Variants in ZNF124 observed in about 807,000 individuals in gnomAD.
ZNF124 encodes the protein zinc finger protein HZF-16.
A neutral mutation model predicts 26.6 loss-of-function variants in ZNF124; 25 were observed. That is an observed-to-expected ratio of 0.94 (90% CI 0.68 to 1.31). ZNF124 has a LOEUF of 1.31. Among genes scored for constraint, ZNF124 ranks in the 40% most tolerant of loss-of-function variants. The pLI is 0.00. For missense variants in ZNF124, 444 were observed against 422.2 expected, an observed-to-expected ratio of 1.05 and a Z score of -0.45; for synonymous variants, 129 against 133.3, an observed-to-expected ratio of 0.97 and a Z score of 0.22.
chr1:247,158,832 T>C (rs1221107051), intron 3 of ZNF124, among the ~76,000 whole-genome samples, 174 bp downstream of exon 3: 1 of 152,162 alleles, frequency 6.6e-6, no homozygotes, highest in Non-Finnish European at 1.5e-5. Context: ...TTTTGCCGTG[T>C]TGGTCAGGCT....
intron 1 of ZNF124, among the ~76,000 whole-genome samples, chr1:247,160,286 C>T (rs1484294622): frequency 6.6e-6 from 1 of 152,144 alleles, no homozygotes. Flanking sequence ...GCTCAGCCAG[C>T]AGTTCTTATG....
intron 3 of ZNF124, among the ~76,000 whole-genome samples, chr1:247,131,232 C>T (rs1396123491): frequency 6.6e-6 from 1 of 152,192 alleles, no homozygotes; most frequent in African/African-American, 2.4e-5. Context: ...GGAGCCTCCT[C>T]CTCCAGCCCA....
At chr1:247,163,091 G>T (rs1673578180) in intron 1 of ZNF124, among the ~76,000 whole-genome samples, 1 of 151,984 alleles carries the variant, frequency 6.6e-6, no homozygotes, top group Non-Finnish European at 1.5e-5. Context: ...TAGAAACCAA[G>T]AAATTATTTG....
chr1:247,124,627 A>T (rs894232861), intron 3 of ZNF124, among the ~76,000 whole-genome samples: 1 of 152,182 alleles, frequency 6.6e-6, no homozygotes, highest in African/African-American at 2.4e-5. Flanking sequence ...CAGCCTATGC[A>T]ACTTTCTGTC....
intron 3 of ZNF124, among the ~76,000 whole-genome samples, chr1:247,148,205 C>G (rs894441899): frequency 6.6e-6 from 1 of 152,192 alleles, no homozygotes; most frequent in African/African-American, 2.4e-5. Context: ...ACACAACAAC[C>G]TCGCTAACAG....
chr1:247,127,447 C>CT (rs60800452), intron 3 of ZNF124, among the ~76,000 whole-genome samples: 28,292 of 68,454 alleles, frequency 0.41, 6,600 homozygotes, highest in African/African-American at 0.64. Flanking sequence ...ACCATCATCA[C>CT]TTAAGGGAGG....
At chr1:247,161,521 G>T (rs1351543283) in intron 1 of ZNF124, among the ~76,000 whole-genome samples, 1 of 151,802 alleles carries the variant, frequency 6.6e-6, no homozygotes, top group Non-Finnish European at 1.5e-5. Context: ...GCAAACAATA[G>T]AGACTGACAA....
At chr1:247,157,434 T>A (rs1440795029) in intron 3 of ZNF124, 31 bp from the exon 4 acceptor site, 1 of 1,544,114 alleles carries the variant, frequency 6.5e-7, no homozygotes, top group South Asian at 1.2e-5. Flanking sequence ...TATGAAGAAT[T>A]TTTCACACAC....
At position 247,140,357 on chromosome 1, in the gene ZNF124, G is replaced by A. The variant is rs536868410; in HGVS notation, c.219-16486C>T. On this transcript the variant is annotated intron_variant, in intron 3 of 3. Transcript: ENST00000472531. ...AACCATCAGGCTCTTTTTTATATCA[G>A]TTATCTTGTCTTTCAGCTCCAGTGA... is the stretch of plus-strand genomic sequence containing the variant. Among the ~76,000 whole-genome samples the A allele has an allele frequency of 5.9e-5, 9 of 152,214 alleles. No individual in the cohort carries two copies. The South Asian group carries it at 1.9e-3, about 32-fold the overall frequency.
intron 1 of ZNF124, among the ~76,000 whole-genome samples, chr1:247,160,559 C>T (rs1283552946): frequency 3.9e-5 from 6 of 152,164 alleles, no homozygotes; most frequent in African/African-American, 1.4e-4. Context: ...TCCCAACAAC[C>T]TAAGTGATAA....
Position 247,162,406 on chromosome 1 carries a change from T to G in ZNF124, c.31-2593A>C, listed in dbSNP as rs922749656. Reference sequence around the variant, plus strand: ...CGCCCACACATTCAAAGTAAAGAGATAGAGAAAAATCTACAACACAAATGG... The same window carrying G: ...CGCCCACACATTCAAAGTAAAGAGAGAGAGAAAAATCTACAACACAAATGG... On this transcript the variant is annotated intron_variant, in intron 1 of 3. Transcript: ENST00000543802. Among the ~76,000 whole-genome samples, 4 of 151,982 alleles carry G rather than the reference T, an allele frequency of 2.6e-5. No homozygotes were observed. The East Asian group carries it at 7.7e-4, about 29-fold the overall frequency.
chr1:247,142,928 G>T (rs947047300), intron 3 of ZNF124, among the ~76,000 whole-genome samples: 3 of 150,126 alleles, frequency 2.0e-5, no homozygotes, highest in Admixed American at 6.7e-5. Context: ...TTTTTATGTA[G>T]AAAAAAGAAA....
At chr1:247,133,653 C>CTTTTTTTTT (rs1163588323) in intron 3 of ZNF124, among the ~76,000 whole-genome samples, 1 of 127,202 alleles carries the variant, frequency 7.9e-6, no homozygotes. Flanking sequence ...ATTCAATATT[C>CTTTTTTTTT]TTTTTTTTTT....
chr1:247,125,725 T>G (rs895922442), intron 3 of ZNF124, among the ~76,000 whole-genome samples: 1 of 150,152 alleles, frequency 6.7e-6, no homozygotes, highest in Non-Finnish European at 1.5e-5. Flanking sequence ...TTTATTTATT[T>G]CATTTTAGTC....
chr1:247,132,220 A>C (rs1448549721), intron 3 of ZNF124, among the ~76,000 whole-genome samples: 1 of 151,530 alleles, frequency 6.6e-6, no homozygotes, highest in Non-Finnish European at 1.5e-5. Context: ...AAAACAAGCA[A>C]GCAGAAACTG....
At chr1:247,132,770 G>A (rs1253334210) in intron 3 of ZNF124, among the ~76,000 whole-genome samples, 1 of 152,132 alleles carries the variant, frequency 6.6e-6, no homozygotes, top group African/African-American at 2.4e-5. Context: ...TCCCTGTCCT[G>A]TTCTGTTCCG....
chr1:247,160,407 C>G (rs1181707025), intron 1 of ZNF124, among the ~76,000 whole-genome samples: 1 of 152,132 alleles, frequency 6.6e-6, no homozygotes, highest in Non-Finnish European at 1.5e-5. Context: ...CATATACCTG[C>G]AGTACATATC....
chr1:247,166,308 C>T (rs1311795119), intron 1 of ZNF124, among the ~76,000 whole-genome samples: 2 of 152,184 alleles, frequency 1.3e-5, no homozygotes, highest in Non-Finnish European at 2.9e-5. Context: ...GTGGTGATTT[C>T]TCAAAGAAAT....
At chr1:247,159,868 C>A in intron 1 of ZNF124, 55 bp from the exon 2 acceptor site, 2 of 1,547,782 alleles carry the variant, frequency 1.3e-6, no homozygotes, top group Non-Finnish European at 1.7e-6. Flanking sequence ...CACTGGAAAT[C>A]TGTAGTCAAT....
Sources: allele counts gnomAD v4.1 joint callset (sites outside exome capture counted in the v4.1 genomes callset), GRCh38; gene constraint gnomAD v4.1.1; transcripts MANE v1.5; gene names NCBI Gene and HGNC (gene_info 2026-07-23, HGNC 2026-07-21).